The following KCNB2 variants were observed in gnomAD, a reference collection of about 807,000 sequenced individuals.
KCNB2 encodes potassium voltage-gated channel subfamily B member 2, also known as delayed rectifier potassium channel protein.
A neutral mutation model predicts 61.5 loss-of-function variants in KCNB2; 15 were observed. The observed-to-expected ratio is 0.24, with a 90% CI of 0.16 to 0.38. The LOEUF (loss-of-function observed/expected upper bound fraction) is 0.38, where lower values mean the gene tolerates loss of function less well. KCNB2 is among the 10% of genes least tolerant of loss of function. The pLI, the probability that KCNB2 is intolerant of heterozygous loss-of-function variation, is 1.00. For synonymous variants in KCNB2, 457 were observed against 446.0 expected (o/e 1.02, Z -0.31); for missense variants, 828 against 1,125.2 (o/e 0.74, Z 3.78).
rs117596146 is a variant in KCNB2 at position 72,771,916 on chromosome 8, A to T, written c.580-164019A>T. Among the ~76,000 whole-genome samples the T allele has an allele frequency of 2.4e-3, 366 of 152,286 alleles. 5 individuals are homozygous for T. In the East Asian group the frequency reaches 0.029, roughly 12 times the overall value. The stretch of plus-strand genomic sequence containing the variant: ...AATGAAGGAGATATCCTCAGCACAG[A>T]TTAGTTAGTATCAAGAAGATTCCAT... On this transcript the variant is annotated intron_variant, in intron 2 of 2. Coordinates refer to ENST00000523207, the MANE Select transcript of KCNB2 (RefSeq NM_004770.3).
intron 2 of KCNB2, among the ~76,000 whole-genome samples, chr8:72,920,065 A>G (rs988458393): frequency 1.3e-5 from 2 of 152,118 alleles, no homozygotes; most frequent in African/African-American, 4.8e-5. Flanking sequence ...ATAAGCTAAT[A>G]TTATAGTTTA....
chr8:72,703,118 C>T (rs1440040703), intron 2 of KCNB2, among the ~76,000 whole-genome samples: 3 of 152,154 alleles, frequency 2.0e-5, no homozygotes, highest in East Asian at 1.9e-4. Flanking sequence ...GCAACATCAG[C>T]GTATAGAAAT....
intron 2 of KCNB2, among the ~76,000 whole-genome samples, chr8:72,775,592 A>G (rs1808635838): frequency 6.6e-6 from 1 of 152,158 alleles, no homozygotes; most frequent in African/African-American, 2.4e-5. Flanking sequence ...TTCGTGACTC[A>G]CAGTAAACAA....
chr8:72,689,863 A>G (rs1806913375), intron 2 of KCNB2, among the ~76,000 whole-genome samples: 1 of 152,098 alleles, frequency 6.6e-6, no homozygotes, highest in Admixed American at 6.5e-5. Context: ...ACTTCTTCTG[A>G]TCGTGAGTCT....
chr8:72,826,247 C>T (rs1032342941), intron 2 of KCNB2, among the ~76,000 whole-genome samples: 4 of 152,174 alleles, frequency 2.6e-5, no homozygotes, highest in African/African-American at 9.7e-5. Context: ...ATTCTAACAT[C>T]TGTTGATGGG....
chr8:72,668,917 TTG>T (rs1289380391), intron 2 of KCNB2, among the ~76,000 whole-genome samples: 5 of 151,414 alleles, frequency 3.3e-5, no homozygotes, highest in South Asian at 2.1e-4. Flanking sequence ...TATTATATAT[TTG>T]TGTGTGTGTG....
chr8:72,775,705 T>C (rs1337920393), intron 2 of KCNB2, among the ~76,000 whole-genome samples: 1 of 141,260 alleles, frequency 7.1e-6, no homozygotes, highest in African/African-American at 2.7e-5. Flanking sequence ...GGAGATTAAG[T>C]GGCTATATGA....
At chr8:72,612,005 G>T (rs1283733761) in intron 2 of KCNB2, among the ~76,000 whole-genome samples, 4 of 152,064 alleles carry the variant, frequency 2.6e-5, no homozygotes, top group Non-Finnish European at 5.9e-5. Context: ...AAAAAGTAAT[G>T]CCAGCTCGCT....
At chr8:72,636,394 T>G (rs536055023) in intron 2 of KCNB2, among the ~76,000 whole-genome samples, 1 of 152,318 alleles carries the variant, frequency 6.6e-6, no homozygotes, top group African/African-American at 2.4e-5. Context: ...GAAATCTATT[T>G]GCAGACAAGT....
intron 2 of KCNB2, among the ~76,000 whole-genome samples, chr8:72,804,628 T>C (rs1390510603): frequency 6.6e-6 from 1 of 152,212 alleles, no homozygotes; most frequent in Non-Finnish European, 1.5e-5. Context: ...CAAATTAACT[T>C]CTAATTAAAA....
chr8:72,627,547 CTT>C (rs930487976), intron 2 of KCNB2, among the ~76,000 whole-genome samples: 10 of 152,100 alleles, frequency 6.6e-5, no homozygotes, highest in African/African-American at 2.4e-4. Context: ...ATGAAAATGT[CTT>C]GTTTTTTTTA....
At chr8:72,846,680 G>A (rs1447724652) in intron 2 of KCNB2, among the ~76,000 whole-genome samples, 2 of 152,158 alleles carry the variant, frequency 1.3e-5, no homozygotes, top group Non-Finnish European at 2.9e-5. Context: ...CTGGCCATCA[G>A]AGAAATGCAA....
chr8:72,621,898 A>AGTAT (rs1276467542), intron 2 of KCNB2, among the ~76,000 whole-genome samples: 2 of 152,196 alleles, frequency 1.3e-5, no homozygotes, highest in Middle Eastern at 3.2e-3. Flanking sequence ...AAGTGTTTGT[A>AGTAT]GTATTCATGT....
chr8:72,569,752 A>G (rs1396796933), intron 2 of KCNB2, among the ~76,000 whole-genome samples: 1 of 152,176 alleles, frequency 6.6e-6, no homozygotes, highest in Non-Finnish European at 1.5e-5. Context: ...AATTTTGAAA[A>G]TGAATGAGAC....
At chr8:72,737,703 G>A (rs1195834043) in intron 2 of KCNB2, among the ~76,000 whole-genome samples, 1 of 152,114 alleles carries the variant, frequency 6.6e-6, no homozygotes, top group Non-Finnish European at 1.5e-5. Context: ...GCAATGGGGT[G>A]GACTGGGGCA....
At chr8:72,774,084 C>A (rs1442886622) in intron 2 of KCNB2, among the ~76,000 whole-genome samples, 1 of 152,028 alleles carries the variant, frequency 6.6e-6, no homozygotes, top group Non-Finnish European at 1.5e-5. Context: ...TCCATTATAA[C>A]CCTTTGAGAT....
At chr8:72,579,579 C>G (rs1324841048) in intron 2 of KCNB2, among the ~76,000 whole-genome samples, 1 of 152,160 alleles carries the variant, frequency 6.6e-6, no homozygotes, top group African/African-American at 2.4e-5. Context: ...CTCCCTTAAT[C>G]CGTGAACTCG....
chr8:72,806,142 G>A (rs930517998), intron 2 of KCNB2, among the ~76,000 whole-genome samples: 3 of 152,084 alleles, frequency 2.0e-5, no homozygotes, highest in African/African-American at 7.2e-5. Flanking sequence ...GGTGGATCAC[G>A]AGGTCAGGAG....
chr8:72,797,578 G>C (rs1250798956), intron 2 of KCNB2, among the ~76,000 whole-genome samples: 2 of 152,178 alleles, frequency 1.3e-5, no homozygotes, highest in Non-Finnish European at 2.9e-5. Context: ...CTACAAATAG[G>C]AGTAGCTTAA....
Sources: gnomAD v4.1 joint callset for allele counts (sites outside exome capture counted in the v4.1 genomes callset) on GRCh38, gnomAD v4.1.1 for gene constraint, MANE v1.5 for transcripts, NCBI Gene and HGNC (gene_info 2026-07-23, HGNC 2026-07-21) for gene names.